Variants in KIAA1328 observed in about 807,000 individuals in gnomAD.
The protein encoded by KIAA1328 is protein hinderin.
A neutral mutation model predicts 68.1 loss-of-function variants in KIAA1328; 52 were observed. That is an observed-to-expected ratio of 0.76 (90% CI 0.61 to 0.96). KIAA1328 has a LOEUF of 0.96. Among genes scored for constraint, KIAA1328 ranks in the 40% least tolerant of loss-of-function variants. The pLI, the probability that KIAA1328 is intolerant of heterozygous loss-of-function variation, is 0.00. For missense variants in KIAA1328, 641 were observed against 677.6 expected (o/e 0.95, Z 0.60); for synonymous variants, 232 against 239.4 (o/e 0.97, Z 0.28).
intron 4 of KIAA1328, among the ~76,000 whole-genome samples, chr18:36,858,942 T>G (rs956176411): frequency 6.6e-6 from 1 of 152,230 alleles, no homozygotes; most frequent in Non-Finnish European, 1.5e-5. Context: ...GTGAATAGAT[T>G]TAATTTTTTA....
intron 7 of KIAA1328, among the ~76,000 whole-genome samples, chr18:37,100,051 A>C (rs1440657357): frequency 6.6e-6 from 1 of 152,098 alleles, no homozygotes; most frequent in Non-Finnish European, 1.5e-5. Flanking sequence ...TGTGTCTTTT[A>C]ATTGGAGCAT....
intron 7 of KIAA1328, among the ~76,000 whole-genome samples, chr18:37,117,874 T>C (rs1006756127): frequency 4.3e-5 from 6 of 138,848 alleles, no homozygotes; most frequent in African/African-American, 1.4e-4. Flanking sequence ...ACGTAGTTGG[T>C]TTAAAAAAAA....
intron 8 of KIAA1328, among the ~76,000 whole-genome samples, chr18:37,172,769 G>A (rs907094545): frequency 2.6e-5 from 4 of 152,152 alleles, no homozygotes; most frequent in Non-Finnish European, 5.9e-5. Flanking sequence ...CTGCAAAAAT[G>A]TATTTTCTTA....
At chr18:36,973,850 C>CAT (rs1556844327) in intron 6 of KIAA1328, among the ~76,000 whole-genome samples, 22 of 149,264 alleles carry the variant, frequency 1.5e-4, no homozygotes, top group African/African-American at 4.8e-4. Flanking sequence ...CACACACACA[C>CAT]ATATATATCT....
intron 5 of KIAA1328, among the ~76,000 whole-genome samples, chr18:36,951,864 C>T (rs1298863350): frequency 6.6e-6 from 1 of 152,186 alleles, no homozygotes; most frequent in Non-Finnish European, 1.5e-5. Context: ...CTTGCTTAGA[C>T]TTCTATAGTG....
At chr18:37,173,613 G>A (rs1039782505) in intron 9 of KIAA1328, among the ~76,000 whole-genome samples, 1 of 152,120 alleles carries the variant, frequency 6.6e-6, no homozygotes, top group East Asian at 1.9e-4. Context: ...ATATGTAAAC[G>A]TCAGTACCAA....
chr18:37,013,673 A>G (rs1333421473), intron 6 of KIAA1328, among the ~76,000 whole-genome samples: 1 of 152,156 alleles, frequency 6.6e-6, no homozygotes, highest in Non-Finnish European at 1.5e-5. Context: ...AAAGGACATG[A>G]TTCCATTCTT....
At chr18:37,038,275 A>G (rs2055108000) in intron 6 of KIAA1328, among the ~76,000 whole-genome samples, 1 of 152,070 alleles carries the variant, frequency 6.6e-6, no homozygotes, top group African/African-American at 2.4e-5. Flanking sequence ...GGAAGAAATA[A>G]CTTGGGGCTG....
chr18:36,976,549 A>G (rs765913097), intron 6 of KIAA1328, among the ~76,000 whole-genome samples: 15 of 152,154 alleles, frequency 9.9e-5, no homozygotes, highest in Non-Finnish European at 2.1e-4. Context: ...TTAAAGAGAT[A>G]TGATAGATAT....
At chr18:36,927,524 A>G (rs1427086350) in intron 5 of KIAA1328, among the ~76,000 whole-genome samples, 1 of 152,186 alleles carries the variant, frequency 6.6e-6, no homozygotes, top group Non-Finnish European at 1.5e-5. Context: ...CTACAGGCAG[A>G]TCACTTGAGC....
At chr18:37,219,778 G>A (rs553796422) in intron 9 of KIAA1328, among the ~76,000 whole-genome samples, 5 of 152,292 alleles carry the variant, frequency 3.3e-5, no homozygotes, top group Admixed American at 6.5e-5. Context: ...GACCCCTTGC[G>A]CTTCCTGGGT....
chr18:36,853,819 C>T (rs2047295807), intron 4 of KIAA1328, among the ~76,000 whole-genome samples: 1 of 152,052 alleles, frequency 6.6e-6, no homozygotes, highest in South Asian at 2.1e-4. Flanking sequence ...CCAAGCCCAG[C>T]TAATTTTTTT....
chr18:37,009,008 T>C (rs2053882609), intron 6 of KIAA1328, among the ~76,000 whole-genome samples: 1 of 152,116 alleles, frequency 6.6e-6, no homozygotes, highest in Non-Finnish European at 1.5e-5. Flanking sequence ...GTATAAACAG[T>C]TCTCAAAGGA....
At chr18:36,834,439 C>A in intron 2 of KIAA1328, 84 bp downstream of exon 2, 3 of 1,217,198 alleles carry the variant, frequency 2.5e-6, no homozygotes, top group Admixed American at 3.0e-5. Context: ...AACAATGTTG[C>A]GGGTATAAAT....
intron 6 of KIAA1328, among the ~76,000 whole-genome samples, chr18:37,058,784 A>G (rs2056029639): frequency 6.6e-6 from 1 of 152,186 alleles, no homozygotes; most frequent in African/African-American, 2.4e-5. Context: ...ATGTTGAAGC[A>G]CAAAAGGTTC....
At chr18:36,849,936 G>A (rs138586919) in intron 4 of KIAA1328, among the ~76,000 whole-genome samples, 109 of 152,090 alleles carry the variant, frequency 7.2e-4, no homozygotes, top group African/African-American at 2.4e-3. Context: ...ACATTTCCCC[G>A]GTGGCTAATG....
chr18:37,156,159 G>A (rs1353505432), intron 7 of KIAA1328, among the ~76,000 whole-genome samples: 2 of 151,884 alleles, frequency 1.3e-5, no homozygotes, highest in Non-Finnish European at 2.9e-5. Context: ...GTAATCCCAG[G>A]ACTTTGGGAG....
At chr18:37,133,525 A>AT (rs530477761) in intron 7 of KIAA1328, among the ~76,000 whole-genome samples, 58,340 of 134,592 alleles carry the variant, frequency 0.43, 13,734 homozygotes, top group African/African-American at 0.58. Flanking sequence ...CTATATAGTA[A>AT]TTTTTTTTTT....
intron 5 of KIAA1328, chr18:36,902,405 T>C (rs1310089526): frequency 6.6e-6 from 1 of 152,088 alleles, no homozygotes; most frequent in African/African-American, 2.4e-5. Context: ...AAATTTCATT[T>C]GCCTTTTTAG....
Sources: allele counts gnomAD v4.1 joint callset (sites outside exome capture counted in the v4.1 genomes callset), GRCh38; gene constraint gnomAD v4.1.1; transcripts MANE v1.5; gene names NCBI Gene and HGNC (gene_info 2026-07-23, HGNC 2026-07-21).